AGBL4: variants seen among roughly 807,000 people sequenced by gnomAD.
AGBL4 encodes AGBL carboxypeptidase 4.
In AGBL4, 58 loss-of-function variants were observed where a neutral mutation model predicts 66.4. The ratio of observed to expected loss-of-function variants is 0.87; its 90% CI spans 0.71 to 1.09. The LOEUF is 1.09. Ranked by LOEUF, AGBL4 falls within the 50% of genes least tolerant of loss-of-function variation. AGBL4 has a pLI of 0.00. For synonymous variants in AGBL4, 234 were observed against 222.9 expected, an observed-to-expected ratio of 1.05 and a Z score of -0.44; for missense variants, 579 against 631.0, an observed-to-expected ratio of 0.92 and a Z score of 0.88.
intron 1 of AGBL4, among the ~76,000 whole-genome samples, chr1:49,944,342 G>A (rs1221726041): frequency 3.9e-5 from 6 of 151,986 alleles, no homozygotes; most frequent in South Asian, 4.2e-4. Flanking sequence ...TGGTATCCAC[G>A]GCTAAGAGAA....
chr1:48,727,229 G>A (rs983398486), intron 6 of AGBL4, among the ~76,000 whole-genome samples: 4 of 152,138 alleles, frequency 2.6e-5, no homozygotes, highest in African/African-American at 7.2e-5. Context: ...TTATCACCCC[G>A]TCTTCACCCC....
chr1:48,770,632 GCTCT>G (rs1174756183), intron 6 of AGBL4, among the ~76,000 whole-genome samples: 1 of 152,086 alleles, frequency 6.6e-6, no homozygotes, highest in Non-Finnish European at 1.5e-5. Context: ...ATGCCTACTT[GCTCT>G]CCTGACATAT....
intron 3 of AGBL4, among the ~76,000 whole-genome samples, chr1:49,288,677 A>G (rs1240803311): frequency 1.3e-5 from 2 of 152,202 alleles, no homozygotes; most frequent in East Asian, 1.9e-4. Context: ...TGCTGCAGAA[A>G]GACAGTTTGG....
At chr1:49,533,151 T>G (rs1439157972) in intron 3 of AGBL4, among the ~76,000 whole-genome samples, 3 of 152,100 alleles carry the variant, frequency 2.0e-5, no homozygotes, top group Non-Finnish European at 4.4e-5. Context: ...TTCACTTCCC[T>G]TCTCTTCACA....
intron 5 of AGBL4, among the ~76,000 whole-genome samples, chr1:49,014,632 G>T (rs1662679830): frequency 1.3e-5 from 2 of 151,852 alleles, no homozygotes; most frequent in African/African-American, 4.8e-5. Context: ...TTTTTTTCTT[G>T]CCTGTTAGTC....
At chr1:49,899,382 T>C (rs1054615547) in intron 1 of AGBL4, among the ~76,000 whole-genome samples, 1 of 152,024 alleles carries the variant, frequency 6.6e-6, no homozygotes, top group Non-Finnish European at 1.5e-5. Flanking sequence ...TAAATGAGTA[T>C]AACTGAATTG....
intron 4 of AGBL4, among the ~76,000 whole-genome samples, chr1:49,234,518 T>C (rs1285952820): frequency 2.6e-5 from 4 of 152,236 alleles, no homozygotes; most frequent in Non-Finnish European, 5.9e-5. Context: ...GTGTACAGGA[T>C]GTCTACAGGT....
rs1321635378 is a variant in AGBL4 at position 49,221,693 on chromosome 1, AT to A, written c.377+24076del. Among the ~76,000 whole-genome samples, 5 of 151,766 alleles carry A rather than the reference AT, an allele frequency of 3.3e-5. No homozygotes were observed. The East Asian group carries it at 7.8e-4, about 24-fold the overall frequency. ...AAAAATTTATTTTTTTTCACATTTT[AT>A]TTTTTCTTTGAAAGAGAATTTTGTC... is the stretch of plus-strand genomic sequence containing the variant. On this transcript the variant is annotated intron_variant, in intron 4 of 13. Transcript: ENST00000371839.
chr1:48,932,035 T>A (rs1655080891), intron 5 of AGBL4, among the ~76,000 whole-genome samples: 1 of 152,050 alleles, frequency 6.6e-6, no homozygotes, highest in South Asian at 2.1e-4. Flanking sequence ...AAAGAGACTC[T>A]AAGGTTCTGC....
At chr1:49,564,070 C>T (rs1372102494) in intron 3 of AGBL4, among the ~76,000 whole-genome samples, 1 of 152,116 alleles carries the variant, frequency 6.6e-6, no homozygotes, top group African/African-American at 2.4e-5. Context: ...TTATCCATTT[C>T]TTCTAGATTT....
chr1:49,657,671 T>G (rs947800422), intron 3 of AGBL4, among the ~76,000 whole-genome samples: 3 of 151,154 alleles, frequency 2.0e-5, no homozygotes, highest in Non-Finnish European at 4.4e-5. Flanking sequence ...TATAGACCAA[T>G]GGAACAGAAC....
chr1:49,096,167 A>G (rs1286050317), intron 4 of AGBL4, among the ~76,000 whole-genome samples: 2 of 151,874 alleles, frequency 1.3e-5, no homozygotes, highest in Non-Finnish European at 2.9e-5. Context: ...TAGAATGGCG[A>G]TCATTAAAAA....
intron 3 of AGBL4, among the ~76,000 whole-genome samples, chr1:49,488,684 T>C (rs1647121597): frequency 6.6e-6 from 1 of 151,764 alleles, no homozygotes; most frequent in South Asian, 2.1e-4. Context: ...TGTCCCCACA[T>C]CCCACCCCTC....
intron 3 of AGBL4, among the ~76,000 whole-genome samples, chr1:49,648,991 A>G (rs72686726): frequency 1.3e-5 from 2 of 152,258 alleles, no homozygotes; most frequent in Non-Finnish European, 2.9e-5. Context: ...ACTAGCAAAA[A>G]TATATATAAC....
intron 2 of AGBL4, among the ~76,000 whole-genome samples, chr1:49,810,705 T>C (rs1645080403): frequency 1.3e-5 from 2 of 152,166 alleles, no homozygotes; most frequent in Non-Finnish European, 2.9e-5. Context: ...AAAGATAGGT[T>C]AAGTTCAACC....
intron 4 of AGBL4, among the ~76,000 whole-genome samples, chr1:49,194,185 TG>T (rs1482365046): frequency 1.3e-5 from 2 of 152,218 alleles, no homozygotes; most frequent in African/African-American, 4.8e-5. Context: ...TTTATGAATC[TG>T]GGTGCTCCTG....
At chr1:48,929,847 C>A (rs1469290611) in intron 5 of AGBL4, among the ~76,000 whole-genome samples, 1 of 152,148 alleles carries the variant, frequency 6.6e-6, no homozygotes, top group Non-Finnish European at 1.5e-5. Context: ...ATAATCAATA[C>A]CACTTCTTAT....
intron 9 of AGBL4, among the ~76,000 whole-genome samples, chr1:48,628,580 A>G (rs1461181655): frequency 1.3e-5 from 2 of 152,110 alleles, no homozygotes; most frequent in Non-Finnish European, 2.9e-5. Flanking sequence ...AAACCCATCC[A>G]TGGGCTTCCT....
intron 3 of AGBL4, among the ~76,000 whole-genome samples, chr1:49,538,858 C>A (rs1651800902): frequency 6.6e-6 from 1 of 151,844 alleles, no homozygotes; most frequent in East Asian, 1.9e-4. Context: ...TAAACTGATA[C>A]AAACATTTAT....
Sources: allele counts gnomAD v4.1 joint callset (sites outside exome capture counted in the v4.1 genomes callset), GRCh38; gene constraint gnomAD v4.1.1; transcripts MANE v1.5; gene names NCBI Gene and HGNC (gene_info 2026-07-23, HGNC 2026-07-21).